Variants in PRKG1 observed in about 807,000 individuals in gnomAD.
The protein encoded by PRKG1 is cGMP-dependent protein kinase 1.
PRKG1 carries 35 observed loss-of-function variants against 88.1 expected under a neutral mutation model. The observed-to-expected ratio is 0.40, with a 90% CI of 0.30 to 0.53. PRKG1 has a LOEUF of 0.53. Among genes scored for constraint, PRKG1 ranks in the 20% least tolerant of loss-of-function variants. The probability of loss-of-function intolerance (pLI) is 0.59; values close to 1 mark genes in which losing one functional copy is unlikely to be tolerated. For synonymous variants in PRKG1, 303 were observed against 292.5 expected, an observed-to-expected ratio of 1.04 and a Z score of -0.37; for missense variants, 540 against 839.8, an observed-to-expected ratio of 0.64 and a Z score of 4.41.
chr10:51,804,163 A>G (rs538623293), intron 3 of PRKG1, among the ~76,000 whole-genome samples: 13 of 152,144 alleles, frequency 8.5e-5, no homozygotes, highest in Non-Finnish European at 1.9e-4. Context: ...TCTACTTTTT[A>G]TAATTAAAAT....
intron 3 of PRKG1, among the ~76,000 whole-genome samples, chr10:51,535,090 G>A (rs1468323856): frequency 6.6e-6 from 1 of 152,150 alleles, no homozygotes; most frequent in Non-Finnish European, 1.5e-5. Context: ...ATGCCTTTGA[G>A]ACTTGAGTGT....
At chr10:51,368,480 A>G (rs113609963) in intron 2 of PRKG1, among the ~76,000 whole-genome samples, 75 of 152,166 alleles carry the variant, frequency 4.9e-4, no homozygotes, top group Non-Finnish European at 6.0e-4. Flanking sequence ...CATGGTCTAT[A>G]GTCTTGTTCT....
chr10:51,062,940 C>G (rs1156576745), intron 1 of PRKG1: 1 of 151,964 alleles, frequency 6.6e-6, no homozygotes, highest in Non-Finnish European at 1.5e-5. Context: ...TCTATTGAAA[C>G]AATAAAGATA....
chr10:51,379,953 A>G (rs1837031807), intron 2 of PRKG1, among the ~76,000 whole-genome samples: 1 of 152,194 alleles, frequency 6.6e-6, no homozygotes, highest in Admixed American at 6.5e-5. Context: ...CATCTTATAC[A>G]CAGACTAAAA....
chr10:51,163,846 G>A (rs1846443341), intron 2 of PRKG1, among the ~76,000 whole-genome samples: 2 of 152,332 alleles, frequency 1.3e-5, no homozygotes, highest in East Asian at 1.9e-4. Context: ...CTGGGGGAGG[G>A]GCGCCTGCCA....
At chr10:51,734,614 C>T (rs550093940) in intron 3 of PRKG1, among the ~76,000 whole-genome samples, 25 of 151,944 alleles carry the variant, frequency 1.6e-4, no homozygotes, top group African/African-American at 4.8e-4. Context: ...GTTGAGGGAT[C>T]GTGAAAATAA....
intron 3 of PRKG1, among the ~76,000 whole-genome samples, chr10:51,531,320 G>A (rs1362250482): frequency 6.6e-6 from 1 of 152,128 alleles, no homozygotes; most frequent in African/African-American, 2.4e-5. Flanking sequence ...GTAACAATCA[G>A]CATTTTCATG....
chr10:51,905,741 T>G (rs1257943981), intron 4 of PRKG1, among the ~76,000 whole-genome samples: 3 of 152,178 alleles, frequency 2.0e-5, no homozygotes, highest in African/African-American at 7.2e-5. Context: ...GAACTAACAT[T>G]GTATTTTGAT....
chr10:51,577,698 G>A (rs1216884320), intron 3 of PRKG1, among the ~76,000 whole-genome samples: 6 of 152,078 alleles, frequency 3.9e-5, no homozygotes, highest in Non-Finnish European at 7.4e-5. Context: ...ATAAACAAAA[G>A]CATTCAAAAC....
intron 5 of PRKG1, among the ~76,000 whole-genome samples, chr10:52,033,341 A>T (rs1265381143): frequency 1.3e-5 from 2 of 152,204 alleles, no homozygotes; most frequent in Non-Finnish European, 2.9e-5. Context: ...ACCTGGTCAA[A>T]GTTGATAAAA....
intron 1 of PRKG1, among the ~76,000 whole-genome samples, chr10:51,086,859 T>C (rs1844264726): frequency 6.6e-6 from 1 of 152,212 alleles, no homozygotes; most frequent in Admixed American, 6.5e-5. Context: ...TCATCTATCG[T>C]AATAGAGCAG....
At chr10:51,935,233 C>T (rs1344717819) in intron 5 of PRKG1, among the ~76,000 whole-genome samples, 1 of 152,148 alleles carries the variant, frequency 6.6e-6, no homozygotes, top group East Asian at 1.9e-4. Context: ...TAGAGAAGTG[C>T]TAAATATTTA....
intron 3 of PRKG1, chr10:51,697,589 G>A (rs1418033705): frequency 3.1e-5 from 32 of 1,047,712 alleles, no homozygotes; most frequent in Admixed American, 4.6e-5. Context: ...GGTTCTAGGA[G>A]GAGGGAAACC....
intron 3 of PRKG1, among the ~76,000 whole-genome samples, chr10:51,728,931 A>G (rs1451905313): frequency 6.6e-6 from 1 of 152,232 alleles, no homozygotes; most frequent in Non-Finnish European, 1.5e-5. Context: ...TTCCCCTTTC[A>G]GAATTACAAA....
intron 2 of PRKG1, among the ~76,000 whole-genome samples, chr10:51,238,652 T>C (rs545158571): frequency 6.6e-6 from 1 of 151,660 alleles, no homozygotes; most frequent in South Asian, 2.1e-4. Context: ...TCTCAGCTTC[T>C]CAGGAGGCTG....
At chr10:51,011,414 A>C (rs902855148) in intron 1 of PRKG1, among the ~76,000 whole-genome samples, 10 of 152,152 alleles carry the variant, frequency 6.6e-5, no homozygotes, top group African/African-American at 2.2e-4. Context: ...CGCAACTGAA[A>C]TCACCAAACA....
At chr10:52,067,167 G>A (rs1240037932) in intron 7 of PRKG1, among the ~76,000 whole-genome samples, 6 of 151,974 alleles carry the variant, frequency 3.9e-5, no homozygotes, top group African/African-American at 1.2e-4. Flanking sequence ...TATATCCTTT[G>A]GGTAATAGCT....
chr10:52,062,665 T>C (rs1846265441), intron 7 of PRKG1, 34 bp downstream of exon 7: 2 of 1,492,792 alleles, frequency 1.3e-6, no homozygotes, highest in African/African-American at 2.8e-5. Flanking sequence ...GGTTTTTGTT[T>C]GAGTGCTACA....
rs891400513 is a variant in PRKG1, at chr10:52,048,307, TG to T, written c.763-6176del. Reference sequence around the variant, plus strand: ...AACTTAAATATAGAGGAAAAAATGATGTAATCTTGGGCTGAAATAATTTAGG... The same window carrying T: ...AACTTAAATATAGAGGAAAAAATGATTAATCTTGGGCTGAAATAATTTAGG... On this transcript the variant is annotated intron_variant, in intron 5 of 17. Coordinates refer to ENST00000373980, the MANE Select transcript of PRKG1 (RefSeq NM_006258.4). Among the ~76,000 whole-genome samples the T allele has an allele frequency of 6.5e-4, 99 of 152,210 alleles. 1 individual carries two copies. Among genetic ancestry groups the T allele is most frequent in the African/African-American group, 2.4e-3 (99 of 41,532 alleles).
Sources: gnomAD v4.1 joint callset for allele counts (sites outside exome capture counted in the v4.1 genomes callset) on GRCh38, gnomAD v4.1.1 for gene constraint, MANE v1.5 for transcripts, NCBI Gene and HGNC (gene_info 2026-07-23, HGNC 2026-07-21) for gene names.